MGAT4C: variants seen among roughly 807,000 people sequenced by gnomAD.
The protein encoded by MGAT4C is MGAT4 family member C, also known as alpha-1,3-mannosyl-glycoprotein 4-beta-N-acetylglucosaminyltransferase C.
A neutral mutation model predicts 40.1 loss-of-function variants in MGAT4C; 19 were observed. That is an observed-to-expected ratio of 0.47 (90% confidence interval 0.33 to 0.70). The LOEUF (loss-of-function observed/expected upper bound fraction) is 0.70. MGAT4C is among the 30% of genes least tolerant of loss of function. MGAT4C has a pLI of 0.02. For synonymous variants in MGAT4C, 181 were observed against 187.1 expected (o/e 0.97, Z 0.27); for missense variants, 491 against 563.2 (o/e 0.87, Z 1.30).
intron 2 of MGAT4C, among the ~76,000 whole-genome samples, chr12:86,676,832 T>C (rs973743764): frequency 5.3e-5 from 8 of 152,146 alleles, no homozygotes; most frequent in Non-Finnish European, 1.5e-5. Flanking sequence ...GAAATAAGTT[T>C]ATAAGATATT....
chr12:86,416,951 A>G (rs1398835311), intron 3 of MGAT4C, among the ~76,000 whole-genome samples: 1 of 152,162 alleles, frequency 6.6e-6, no homozygotes, highest in Non-Finnish European at 1.5e-5. Context: ...TACAGGTTTC[A>G]AAAGAAACAT....
chr12:86,076,378 C>A (rs2135529880), intron 1 of MGAT4C, among the ~76,000 whole-genome samples: 2 of 152,206 alleles, frequency 1.3e-5, no homozygotes, highest in East Asian at 3.9e-4. Flanking sequence ...CCACATTTTC[C>A]TTTTTTCTTC....
chr12:86,781,130 A>AT (rs56326438), intron 1 of MGAT4C, among the ~76,000 whole-genome samples: 14,053 of 151,922 alleles, frequency 0.093, 817 homozygotes, highest in Middle Eastern at 0.24. Flanking sequence ...CAAGCACAAG[A>AT]TTTTTTTTAT....
chr12:86,424,081 C>T (rs1044584787), intron 3 of MGAT4C, among the ~76,000 whole-genome samples: 1 of 152,144 alleles, frequency 6.6e-6, no homozygotes, highest in Admixed American at 6.5e-5. Flanking sequence ...AAAGAGAGAT[C>T]TCTCTTCATA....
chr12:86,407,895 G>A (rs891776642), intron 3 of MGAT4C, among the ~76,000 whole-genome samples: 2 of 152,052 alleles, frequency 1.3e-5, no homozygotes, highest in Non-Finnish European at 2.9e-5. Flanking sequence ...AGCATTAAAT[G>A]TATAGTTAAC....
intron 2 of MGAT4C, among the ~76,000 whole-genome samples, chr12:86,647,885 G>C (rs1462851608): frequency 1.3e-5 from 2 of 151,792 alleles, no homozygotes; most frequent in Non-Finnish European, 2.9e-5. Context: ...CAGGTTTAGG[G>C]CCTCAAGTTA....
chr12:86,203,987 T>C (rs1174545385), intron 1 of MGAT4C, among the ~76,000 whole-genome samples: 1 of 148,098 alleles, frequency 6.8e-6, no homozygotes, highest in African/African-American at 2.5e-5. Context: ...TATATATATA[T>C]ATATATGCCT....
At chr12:86,460,176 C>T (rs1171356082) in intron 2 of MGAT4C, among the ~76,000 whole-genome samples, 2 of 151,996 alleles carry the variant, frequency 1.3e-5, no homozygotes, top group African/African-American at 4.8e-5. Flanking sequence ...ACTGAGACCC[C>T]ATCTCTAATG....
At chr12:86,817,888 C>T (rs749729292) in intron 1 of MGAT4C, among the ~76,000 whole-genome samples, 1 of 151,330 alleles carries the variant, frequency 6.6e-6, no homozygotes, top group African/African-American at 2.4e-5. Context: ...GCCTTTTAAA[C>T]TGCCTAAAGC....
At position 86,010,609 on chromosome 12, in the gene MGAT4C, C is replaced by T. The variant is rs1888359700; in HGVS notation, c.-6-21057G>A. Among the ~76,000 whole-genome samples, 4 of 152,100 alleles carry T rather than the reference C, an allele frequency of 2.6e-5. No individual in the cohort carries two copies. In the South Asian group the frequency reaches 8.3e-4, roughly 32 times the overall value. On this transcript the variant is annotated intron_variant, in intron 2 of 4. Coordinates refer to ENST00000611864, the MANE Select transcript of MGAT4C (RefSeq NM_001351288.2). ...AGGAGAATTGCTTGAAACCGGGAGG[C>T]GGAGGTTGCAGTGAGCTGAGGTTGT...
intron 2 of MGAT4C, among the ~76,000 whole-genome samples, chr12:86,667,398 G>A (rs1964137914): frequency 6.6e-6 from 1 of 152,080 alleles, no homozygotes; most frequent in South Asian, 2.1e-4. Flanking sequence ...TAGGACAAAT[G>A]GTCAGAAATA....
At chr12:86,667,329 A>C (rs1964135706) in intron 2 of MGAT4C, among the ~76,000 whole-genome samples, 2 of 152,230 alleles carry the variant, frequency 1.3e-5, no homozygotes, top group African/African-American at 4.8e-5. Context: ...GAATTCACAC[A>C]TTAGCCAAGT....
chr12:86,658,493 T>C (rs1471881760), intron 2 of MGAT4C, among the ~76,000 whole-genome samples: 2 of 152,114 alleles, frequency 1.3e-5, no homozygotes, highest in African/African-American at 4.8e-5. Flanking sequence ...ACATGCTTAC[T>C]ATATGAGGCC....
At position 86,783,656 on chromosome 12, in the gene MGAT4C, G is replaced by A. The variant is rs543235227; in HGVS notation, c.-262+55010C>T. On this transcript the variant is annotated intron_variant, in intron 1 of 7. Coordinates refer to the MGAT4C transcript ENST00000548651. The stretch of plus-strand genomic sequence containing the variant: ...ATGCACTTTCTACCTTGATCCTGAA[G>A]TTTTGTATTTTGGAGGACCAACTAA... 3.3e-5 allele frequency among the ~76,000 whole-genome samples: 5 copies of A among 152,108 alleles called. No individual in the cohort carries two copies. The South Asian group carries it at 1.0e-3, about 31-fold the overall frequency.
intron 1 of MGAT4C, among the ~76,000 whole-genome samples, chr12:86,076,914 G>A (rs1386890047): frequency 6.6e-6 from 1 of 152,166 alleles, no homozygotes; most frequent in Non-Finnish European, 1.5e-5. Flanking sequence ...CAAAACTGAA[G>A]AACATGGAGT....
At chr12:86,429,573 T>G (rs1956994350) in intron 3 of MGAT4C, among the ~76,000 whole-genome samples, 1 of 152,208 alleles carries the variant, frequency 6.6e-6, no homozygotes. Context: ...TGTTTTTGTT[T>G]TTTTCTTTCA....
At chr12:86,117,370 T>C (rs867377481) in intron 1 of MGAT4C, among the ~76,000 whole-genome samples, 12 of 152,156 alleles carry the variant, frequency 7.9e-5, no homozygotes, top group African/African-American at 2.7e-4. Context: ...TGAAAATGTA[T>C]TATTTGAAAA....
At chr12:86,418,162 A>T (rs1024741684) in intron 3 of MGAT4C, among the ~76,000 whole-genome samples, 4 of 152,166 alleles carry the variant, frequency 2.6e-5, no homozygotes, top group African/African-American at 4.8e-5. Flanking sequence ...ATATTCTACA[A>T]TCTTAATTTT....
intron 2 of MGAT4C, among the ~76,000 whole-genome samples, chr12:86,701,782 C>T (rs1950368668): frequency 6.6e-6 from 1 of 151,972 alleles, no homozygotes; most frequent in Admixed American, 6.6e-5. Flanking sequence ...GAAGGTAAAA[C>T]TTTTTGAAGG....
Sources: gnomAD v4.1 joint callset for allele counts (sites outside exome capture counted in the v4.1 genomes callset) on GRCh38, gnomAD v4.1.1 for gene constraint, MANE v1.5 for transcripts, NCBI Gene and HGNC (gene_info 2026-07-23, HGNC 2026-07-21) for gene names.